The following EGF variants were observed in gnomAD, a reference collection of about 807,000 sequenced individuals.
The protein encoded by EGF is pro-epidermal growth factor.
A neutral mutation model predicts 143.8 loss-of-function variants in EGF; 95 were observed. That is an observed-to-expected ratio of 0.66 (90% CI 0.56 to 0.78). EGF has a LOEUF of 0.78. Ranked by LOEUF, EGF falls within the 30% of genes least tolerant of loss-of-function variation. The pLI, the probability that EGF is intolerant of heterozygous loss-of-function variation, is 0.00. For missense variants in EGF, 1,320 were observed against 1,470.9 expected (o/e 0.90, Z 1.68); for synonymous variants, 510 against 510.5 (o/e 1.00, Z 0.01).
At chr4:109,951,993 T>G (rs1333499937) in intron 5 of EGF, among the ~76,000 whole-genome samples, 1 of 152,200 alleles carries the variant, frequency 6.6e-6, no homozygotes, top group African/African-American at 2.4e-5. Flanking sequence ...ACTTAAAATC[T>G]TTCTCTTTCT....
intron 13 of EGF, 82 bp from the exon 14 acceptor site, chr4:109,979,890 G>A (rs747528422): frequency 3.3e-6 from 5 of 1,536,560 alleles, no homozygotes; most frequent in Admixed American, 3.4e-5. Context: ...GGAATGTTGT[G>A]TAAATTTCAA....
intron 1 of EGF, among the ~76,000 whole-genome samples, chr4:109,922,510 G>A (rs1737977546): frequency 6.6e-6 from 1 of 151,616 alleles, no homozygotes; most frequent in African/African-American, 2.4e-5. Flanking sequence ...GAAGTTACTG[G>A]GTTTATTACT....
chr4:109,950,228 C>T (rs1743634188), intron 5 of EGF, among the ~76,000 whole-genome samples: 1 of 152,078 alleles, frequency 6.6e-6, no homozygotes, highest in African/African-American at 2.4e-5. Context: ...CAACTTTCAC[C>T]TCCCTCTTCC....
chr4:109,980,042 G>A lies in EGF; in HGVS notation c.2124G>A (p.Met708Ile), dbSNP rs2237051. The A allele has an allele frequency of 0.42, 683,289 of 1,613,526 alleles. 154,549 individuals are homozygous for A. Among genetic ancestry groups the A allele is most frequent in the African/African-American group, 0.82 (61,362 of 74,950 alleles). The change falls in exon 14 of 24, where the codon ATG (methionine) becomes ATA (isoleucine). Residue 708 changes from methionine to isoleucine, a missense_variant. By Grantham distance (10) the Met-to-Ile change is conservative. Transcript: ENST00000265171. ...WFSDWAMPSV[M>I]RVNKRTGKDR... ...CAGATTGGGCTATGCCATCAGTAAT[G>A]AGAGTAAACAAGAGGACTGGCAAAG...
At chr4:109,951,769 TAA>T (rs1560679708) in intron 5 of EGF, among the ~76,000 whole-genome samples, 1 of 152,242 alleles carries the variant, frequency 6.6e-6, no homozygotes, top group Non-Finnish European at 1.5e-5. Flanking sequence ...GACAGACTGG[TAA>T]CATGCTGCCT....
intron 1 of EGF, among the ~76,000 whole-genome samples, chr4:109,929,313 T>C (rs1180232276): frequency 1.3e-5 from 2 of 152,118 alleles, no homozygotes; most frequent in African/African-American, 4.8e-5. Context: ...CTTTCCTTTC[T>C]TCTTCTGTAA....
In EGF at chr4:109,968,999, G is replaced by A. The variant is rs1747116000; in HGVS notation, c.1604G>A (p.Trp535Ter). 1 of 1,614,012 alleles carries A rather than the reference G, an allele frequency of 6.2e-7. No individual in the cohort carries two copies. The highest frequency in any genetic ancestry group is 8.5e-7 in the Non-Finnish European group (1 of 1,180,002). Reference protein sequence around the residue: ...KIYFAHTALKWIERANMDGSQ... With the variant: ...KIYFAHTALK ...TACTTTGCCCATACAGCCCTGAAGT[G>A]GATAGAGAGAGCTAATATGGATGGT... The change falls in exon 11 of 24, where the codon TGG becomes TAG. Residue 535 changes from tryptophan (W) to a stop codon, truncating the protein, a stop_gained. Coordinates refer to ENST00000265171, the MANE Select transcript of EGF (RefSeq NM_001963.6). LOFTEE classifies it high-confidence loss of function.
chr4:109,922,251 C>A (rs771355781), intron 1 of EGF, among the ~76,000 whole-genome samples: 2 of 151,602 alleles, frequency 1.3e-5, no homozygotes, highest in East Asian at 1.9e-4. Flanking sequence ...CCTGCTGGAA[C>A]TTTTATCTCT....
intron 5 of EGF, among the ~76,000 whole-genome samples, chr4:109,945,843 A>G (rs1243203168): frequency 1.3e-5 from 2 of 152,138 alleles, no homozygotes; most frequent in African/African-American, 2.4e-5. Flanking sequence ...TAATGTAGGT[A>G]CCTCTGCAGC....
At chr4:109,935,430 C>T (rs931019758) in intron 1 of EGF, among the ~76,000 whole-genome samples, 4 of 152,072 alleles carry the variant, frequency 2.6e-5, no homozygotes, top group Non-Finnish European at 5.9e-5. Context: ...CTGAAGTTGC[C>T]TATCAGCTTA....
Position 109,925,953 on chromosome 4 carries a change from T to C in EGF, c.127+12491T>C, listed in dbSNP as rs150950156. ...TTGCATCAAGCATTATGGAACATCA[T>C]TGATGTAGTTATTCCTATAAAACAA... On this transcript the variant is annotated intron_variant, in intron 1 of 23. Coordinates refer to ENST00000265171, the MANE Select transcript of EGF (RefSeq NM_001963.6). Among the ~76,000 whole-genome samples, 411 of 152,298 alleles carry C rather than the reference T, an allele frequency of 2.7e-3. 1 individual carries two copies. Among genetic ancestry groups the C allele is most frequent in the African/African-American group, 9.4e-3 (392 of 41,550 alleles).
chr4:109,976,301 A>G (rs1049312500), intron 13 of EGF, 66 bp downstream of exon 13: 3 of 1,314,116 alleles, frequency 2.3e-6, no homozygotes, highest in Non-Finnish European at 3.2e-6. Context: ...AATACAAAAT[A>G]TGTTTACACA....
At chr4:109,970,814 G>A (rs771960083) in intron 11 of EGF, among the ~76,000 whole-genome samples, 2 of 103,306 alleles carry the variant, frequency 1.9e-5, no homozygotes, top group Admixed American at 1.1e-4. Context: ...GGCAGAGCGA[G>A]ACTCCGTCTC....
intron 11 of EGF, among the ~76,000 whole-genome samples, chr4:109,971,555 A>G (rs1019233520): frequency 2.6e-5 from 4 of 152,158 alleles, no homozygotes; most frequent in Non-Finnish European, 5.9e-5. Context: ...CTGCAGAGGC[A>G]AGGCGTTCAG....
chr4:109,953,424 C>A (rs888936790), intron 5 of EGF, among the ~76,000 whole-genome samples: 1 of 152,070 alleles, frequency 6.6e-6, no homozygotes. Context: ...CAAAGAGGAG[C>A]CTTTCCAAAT....
chr4:109,978,831 C>G (rs1748897259), intron 13 of EGF, among the ~76,000 whole-genome samples: 1 of 152,178 alleles, frequency 6.6e-6, no homozygotes, highest in Non-Finnish European at 1.5e-5. Context: ...TAGAATGAAT[C>G]TTAATGACCC....
intron 1 of EGF, among the ~76,000 whole-genome samples, chr4:109,930,950 G>GCTGC (rs1739576909): frequency 6.6e-6 from 1 of 152,138 alleles, no homozygotes. Context: ...TTTGCTGTTT[G>GCTGC]CTGCCTTAAG....
intron 22 of EGF, among the ~76,000 whole-genome samples, chr4:110,007,714 C>G (rs1341408667): frequency 1.3e-5 from 2 of 152,104 alleles, no homozygotes; most frequent in African/African-American, 2.4e-5. Flanking sequence ...TTACTCAGAA[C>G]TTGGTAGCAT....
intron 23 of EGF, among the ~76,000 whole-genome samples, chr4:110,009,787 T>C (rs1199885642): frequency 6.6e-6 from 1 of 152,200 alleles, no homozygotes; most frequent in African/African-American, 2.4e-5. Flanking sequence ...GTCTCTTCTC[T>C]GCTCCTGGAA....
Sources: gnomAD v4.1 joint callset for allele counts (sites outside exome capture counted in the v4.1 genomes callset) on GRCh38, gnomAD v4.1.1 for gene constraint, MANE v1.5 for transcripts, NCBI Gene and HGNC (gene_info 2026-07-23, HGNC 2026-07-21) for gene names.